SP4: variants seen among roughly 807,000 people sequenced by gnomAD.
SP4 encodes the protein Sp4 transcription factor.
Under a neutral mutation model 72.8 loss-of-function variants are expected in SP4, and 19 were observed. That is an observed-to-expected ratio of 0.26 (90% confidence interval 0.18 to 0.38). SP4 has a LOEUF of 0.38. Ranked by LOEUF, SP4 falls within the 10% of genes least tolerant of loss-of-function variation. The pLI is 1.00. For missense variants in SP4, 1,008 were observed against 926.3 expected, an observed-to-expected ratio of 1.09 and a Z score of -1.14; for synonymous variants, 395 against 333.1, an observed-to-expected ratio of 1.19 and a Z score of -2.02.
intron 3 of SP4, among the ~76,000 whole-genome samples, chr7:21,431,174 A>T (rs1403718989): frequency 6.6e-6 from 1 of 152,242 alleles, no homozygotes; most frequent in Non-Finnish European, 1.5e-5. Context: ...AAAGAACCCT[A>T]GTCGAAATGA....
intron 3 of SP4, among the ~76,000 whole-genome samples, chr7:21,444,293 G>T (rs1419656974): frequency 6.6e-6 from 1 of 152,180 alleles, no homozygotes; most frequent in East Asian, 1.9e-4. Flanking sequence ...AATGAAACAA[G>T]AAGTAAAAGG....
rs533160749 is a variant in SP4 at position 21,511,905 on chromosome 7, C to G, written c.*636C>G. 6.6e-6 allele frequency: 1 copy of G among 152,468 alleles called. No homozygotes were observed. Among genetic ancestry groups the G allele is most frequent in the Non-Finnish European group, 1.5e-5 (1 of 68,008 alleles). The allele number at this position is 152,468 out of a possible 1,614,324, so 9.4% of individuals were successfully genotyped here. On this transcript the variant is annotated 3_prime_UTR_variant, in exon 6 of 6. Coordinates refer to ENST00000222584, the MANE Select transcript of SP4 (RefSeq NM_003112.5). Reference sequence around the variant, plus strand: ...TGTGTATGCAGACAATCAGTGAAGTCCAATTACTTTCTCCATTTGGAGACA... The same window carrying G: ...TGTGTATGCAGACAATCAGTGAAGTGCAATTACTTTCTCCATTTGGAGACA...
At chr7:21,435,073 A>G (rs908529012) in intron 3 of SP4, among the ~76,000 whole-genome samples, 2 of 152,250 alleles carry the variant, frequency 1.3e-5, no homozygotes, top group African/African-American at 4.8e-5. Context: ...AACAATTGAT[A>G]GCTAAATCTG....
At position 21,428,278 on chromosome 7, in the gene SP4, C is replaced by G. The variant is rs908032257; in HGVS notation, c.7+20C>G. ...TGAGCGGTACGTATTCTCCACCCCC[C>G]TCAGTCTCCTTCGCCGCCTCCCTCT... is the stretch of plus-strand genomic sequence containing the variant. On this transcript the variant is annotated intron_variant, in intron 1 of 5. Transcript: ENST00000222584. The G allele has an allele frequency of 8.9e-6, 13 of 1,452,680 alleles. No homozygotes were observed. In the South Asian group the frequency reaches 9.7e-5, roughly 11 times the overall value. 90.0% of individuals were successfully genotyped at this position (1,452,680 alleles called of 1,614,324 possible).
At chr7:21,455,992 G>T (rs931970241) in intron 3 of SP4, among the ~76,000 whole-genome samples, 3 of 152,132 alleles carry the variant, frequency 2.0e-5, no homozygotes, top group Non-Finnish European at 4.4e-5. Flanking sequence ...ATTGGGAAGG[G>T]CATGGAAGTA....
Position 21,508,411 on chromosome 7 carries a change from C to T in SP4, c.2108-2611C>T, listed in dbSNP as rs372561252. Among the ~76,000 whole-genome samples, 4 of 152,198 alleles carry T rather than the reference C, an allele frequency of 2.6e-5. No homozygotes were observed. In the East Asian group the frequency reaches 7.7e-4, roughly 29 times the overall value. Reference sequence around the variant, plus strand: ...AGCATCCAAATCTCACTGCAACCTCCACCCCGCCTGGTTCAAGCGATTCTC... The same window carrying T: ...AGCATCCAAATCTCACTGCAACCTCTACCCCGCCTGGTTCAAGCGATTCTC... On this transcript the variant is annotated intron_variant, in intron 5 of 5. Coordinates refer to ENST00000222584, the MANE Select transcript of SP4 (RefSeq NM_003112.5).
In SP4 at chr7:21,429,522, A is replaced by G. The variant is rs766422280; in HGVS notation, c.357A>G (p.Gln119=). 1 of 1,614,036 alleles carries G rather than the reference A, an allele frequency of 6.2e-7. No homozygotes were observed. The highest frequency in any genetic ancestry group is 8.5e-7 in the Non-Finnish European group (1 of 1,180,000). Residue 119 remains glutamine, a synonymous_variant, in exon 3 of 6, where the codon CAA becomes CAG. Coordinates refer to ENST00000222584, the MANE Select transcript of SP4 (RefSeq NM_003112.5). The part of the protein sequence containing the change: ...PPASKENNVS[Q]PASSSSSSSS... ...CTTCAAAAGAGAATAACGTTTCTCA[A>G]CCAGCCTCTAGTTCGTCTAGTTCTT... is the stretch of plus-strand genomic sequence containing the variant.
intron 5 of SP4, among the ~76,000 whole-genome samples, chr7:21,486,003 C>G (rs769612627): frequency 6.6e-6 from 1 of 151,872 alleles, no homozygotes; most frequent in South Asian, 2.1e-4. Flanking sequence ...TGCTTCCTAA[C>G]GAAAAGCTTG....
chr7:21,474,736 C>G (rs1784446383), intron 3 of SP4, among the ~76,000 whole-genome samples: 2 of 152,284 alleles, frequency 1.3e-5, no homozygotes, highest in Admixed American at 1.3e-4. Context: ...AACTGAGGAT[C>G]TCTGAGTGCA....
rs1782751584 is a variant in SP4, at chr7:21,429,391, C to T, written c.226C>T (p.Pro76Ser). Residue 76 changes from proline (P) to serine (S), a missense_variant, in exon 3 of 6, where the codon CCA becomes TCA. Physicochemically the swap from Pro to Ser is moderately conservative, Grantham distance 74 (BLOSUM62 -1). Around this residue, in one of 3 missense-constraint regions of SP4, gnomAD observed 893 missense variants for 743.3 expected, o/e 1.20. Coordinates refer to ENST00000222584, the MANE Select transcript of SP4 (RefSeq NM_003112.5). ...ATGQQQIIID[P>S]SQGLVQLQNQ... ...TGGACAACAACAAATTATTATAGAT[C>T]CAAGTCAAGGATTGGTGCAACTTCA... 6.2e-7 allele frequency: 1 copy of T among 1,613,918 alleles called. No individual in the cohort carries two copies. The highest frequency in any genetic ancestry group is 2.2e-5 in the East Asian group (1 of 44,882).
At chr7:21,477,897 G>A (rs987329170) in intron 4 of SP4, among the ~76,000 whole-genome samples, 4 of 151,822 alleles carry the variant, frequency 2.6e-5, no homozygotes, top group Non-Finnish European at 4.4e-5. Flanking sequence ...AAACTCATTC[G>A]TACACCATAC....
chr7:21,456,682 G>A (rs1162136624), intron 3 of SP4, among the ~76,000 whole-genome samples: 1 of 152,222 alleles, frequency 6.6e-6, no homozygotes, highest in Non-Finnish European at 1.5e-5. Flanking sequence ...AAAAGGTGGT[G>A]TGAGTTTTTG....
intron 3 of SP4, among the ~76,000 whole-genome samples, chr7:21,475,120 GT>G (rs563629984): frequency 1.1e-4 from 16 of 143,328 alleles, no homozygotes; most frequent in African/African-American, 1.0e-4. Flanking sequence ...TTTGTTTTTT[GT>G]TTTTTTTTTT....
chr7:21,504,421 G>A (rs183658705), intron 5 of SP4, among the ~76,000 whole-genome samples: 1 of 152,130 alleles, frequency 6.6e-6, no homozygotes, highest in East Asian at 1.9e-4. Flanking sequence ...TACAGATTTG[G>A]GCTGACCAGC....
intron 3 of SP4, among the ~76,000 whole-genome samples, chr7:21,457,018 C>G (rs575128030): frequency 2.4e-5 from 3 of 127,096 alleles, no homozygotes; most frequent in Admixed American, 8.5e-5. Context: ...TTGAATGCCT[C>G]CAGCCTAAGA....
intron 5 of SP4, among the ~76,000 whole-genome samples, chr7:21,485,881 T>C (rs559017806): frequency 6.6e-6 from 1 of 152,196 alleles, no homozygotes; most frequent in African/African-American, 2.4e-5. Context: ...AGGGGTATTA[T>C]CTTGAGATTT....
chr7:21,436,463 T>G (rs763618658), intron 3 of SP4, among the ~76,000 whole-genome samples: 7 of 152,212 alleles, frequency 4.6e-5, no homozygotes, highest in Non-Finnish European at 7.3e-5. Context: ...AGTTGTAACC[T>G]TTTGATACTG....
chr7:21,503,697 C>T (rs541771930), intron 5 of SP4, among the ~76,000 whole-genome samples: 1 of 152,190 alleles, frequency 6.6e-6, no homozygotes. Flanking sequence ...TCTACCATCA[C>T]CAGTAAATAC....
chr7:21,472,547 C>T (rs1051597931), intron 3 of SP4, among the ~76,000 whole-genome samples: 17 of 152,088 alleles, frequency 1.1e-4, no homozygotes, highest in African/African-American at 4.1e-4. Flanking sequence ...CCTGCCTCGG[C>T]CTCCCAAAGT....
Sources: allele counts gnomAD v4.1 joint callset (sites outside exome capture counted in the v4.1 genomes callset), GRCh38; gene constraint gnomAD v4.1.1; regional missense constraint gnomAD v4.1.1; transcripts MANE v1.5; gene names NCBI Gene and HGNC (gene_info 2026-07-23, HGNC 2026-07-21).